SPAG17: variants seen among roughly 807,000 people sequenced by gnomAD.
SPAG17 encodes the protein sperm associated antigen 17.
Under a neutral mutation model 273.6 loss-of-function variants are expected in SPAG17, and 169 were observed. The observed-to-expected ratio is 0.62, with a 90% confidence interval of 0.55 to 0.70. The LOEUF (loss-of-function observed/expected upper bound fraction) is 0.70, where lower values mean the gene tolerates loss of function less well. Ranked by LOEUF, SPAG17 falls within the 30% of genes least tolerant of loss-of-function variation. SPAG17 has a pLI of 0.00. For synonymous variants in SPAG17, 825 were observed against 873.2 expected (o/e 0.94, Z 0.97); for missense variants, 2,557 against 2,627.8 (o/e 0.97, Z 0.59).
intron 20 of SPAG17, among the ~76,000 whole-genome samples, chr1:118,043,528 C>G (rs1405272559): frequency 6.6e-6 from 1 of 152,164 alleles, no homozygotes; most frequent in Non-Finnish European, 1.5e-5. Flanking sequence ...TGTCTATGCT[C>G]TGGAGTTTAT....
chr1:117,962,209 A>T (rs1653190044), intron 48 of SPAG17: 1 of 152,188 alleles, frequency 6.6e-6, no homozygotes, highest in African/African-American at 2.4e-5. Flanking sequence ...CTTTTATGAT[A>T]AAGTGACATG....
At chr1:118,023,223 A>T in intron 28 of SPAG17, 81 bp downstream of exon 28, 3 of 882,068 alleles carry the variant, frequency 3.4e-6, no homozygotes, top group Non-Finnish European at 4.8e-6. Context: ...CAAGTATTAT[A>T]ATAATAATAA....
At chr1:117,967,247 G>A (rs1343667395) in intron 46 of SPAG17, among the ~76,000 whole-genome samples, 1 of 146,862 alleles carries the variant, frequency 6.8e-6, no homozygotes, top group Non-Finnish European at 1.5e-5. Context: ...TCAGTGAGCC[G>A]AGATCGCGCC....
intron 2 of SPAG17, 33 bp downstream of exon 2, chr1:118,151,196 T>G: frequency 1.4e-6 from 2 of 1,474,834 alleles, no homozygotes; most frequent in Non-Finnish European, 1.8e-6. Context: ...AAAAAAGTCT[T>G]CAGGTGGCTT....
At chr1:118,001,582 T>G (rs1571203670) in intron 32 of SPAG17, among the ~76,000 whole-genome samples, 1 of 152,232 alleles carries the variant, frequency 6.6e-6, no homozygotes, top group East Asian at 1.9e-4. Context: ...TATCCATTTC[T>G]TCTAGATTTT....
chr1:118,086,734 C>G lies in SPAG17; in HGVS notation c.1548G>C (p.Val516=). 6.2e-7 allele frequency: 1 copy of G among 1,614,132 alleles called. No individual in the cohort carries two copies. The highest frequency in any genetic ancestry group is 1.1e-5 in the South Asian group (1 of 91,074). The part of the protein sequence containing the change: ...LSEEENESKA[V]PKGPLLLNYH... ...AGTTCAGTAGGAGGGGGCCTTTGGG[C>G]ACTGCTTTGCTTTCATTTTCTTCTT... is the stretch of plus-strand genomic sequence containing the variant. Residue 516 remains valine, a synonymous_variant, in exon 12 of 49, where the codon GTG becomes GTC. Coordinates refer to ENST00000336338, the MANE Select transcript of SPAG17 (RefSeq NM_206996.4).
chr1:118,111,349 C>T (rs1345909095), intron 4 of SPAG17, among the ~76,000 whole-genome samples: 2 of 152,012 alleles, frequency 1.3e-5, no homozygotes, highest in South Asian at 2.1e-4. Flanking sequence ...ATCCTCATTT[C>T]GATAATCCAC....
At chr1:118,093,389 C>T (rs1655511580) in intron 7 of SPAG17, 72 bp from the exon 8 acceptor site, 8 of 1,425,456 alleles carry the variant, frequency 5.6e-6, no homozygotes, top group Non-Finnish European at 7.6e-6. Flanking sequence ...TGGTATATAT[C>T]TCTTAACAGT....
chr1:117,991,107 A>G (rs1257209129), intron 37 of SPAG17, among the ~76,000 whole-genome samples: 1 of 152,224 alleles, frequency 6.6e-6, no homozygotes. Flanking sequence ...TAACTTGTAA[A>G]AATTCCTTTT....
At chr1:118,083,038 T>C (rs950415375) in intron 13 of SPAG17, among the ~76,000 whole-genome samples, 1 of 152,080 alleles carries the variant, frequency 6.6e-6, no homozygotes. Context: ...TTGAGACAGG[T>C]TCACCCAGGC....
intron 31 of SPAG17, among the ~76,000 whole-genome samples, 170 bp downstream of exon 31, chr1:118,007,874 G>A (rs752456042): frequency 6.6e-6 from 1 of 152,164 alleles, no homozygotes; most frequent in Non-Finnish European, 1.5e-5. Context: ...GATGTAAAAA[G>A]GGATGAATAA....
chr1:118,181,511 A>G (rs1439221710), intron 1 of SPAG17, among the ~76,000 whole-genome samples: 1 of 152,114 alleles, frequency 6.6e-6, no homozygotes, highest in Non-Finnish European at 1.5e-5. Context: ...TTAAGCAACT[A>G]TTACACACAA....
At chr1:117,984,817 CAT>C (rs1471425024) in intron 40 of SPAG17, 35 bp from the exon 41 acceptor site, 4 of 1,336,142 alleles carry the variant, frequency 3.0e-6, no homozygotes, top group Admixed American at 1.7e-5. Context: ...CAAAAGAAGA[CAT>C]AGAATATTTT....
intron 3 of SPAG17, among the ~76,000 whole-genome samples, chr1:118,124,055 A>G (rs1657567181): frequency 6.6e-6 from 1 of 152,226 alleles, no homozygotes; most frequent in Admixed American, 6.5e-5. Flanking sequence ...CCTTTTTATT[A>G]AGGAGTGTTT....
intron 1 of SPAG17, among the ~76,000 whole-genome samples, chr1:118,158,994 A>C (rs146163801): frequency 2.0e-5 from 3 of 152,378 alleles, no homozygotes; most frequent in African/African-American, 7.2e-5. Context: ...ATATAGAAGC[A>C]TTCAATAAAT....
At chr1:118,102,020 T>C (rs1174428167) in intron 4 of SPAG17, 94 bp from the exon 5 acceptor site, 1 of 1,035,086 alleles carries the variant, frequency 9.7e-7, no homozygotes, top group Non-Finnish European at 1.4e-6. Context: ...TCTCATTCAA[T>C]CACTTGTATA....
rs1238074351 is a variant in SPAG17 at position 118,028,332 on chromosome 1, G to A, written c.3672C>T (p.Ser1224=). The change falls in exon 26 of 49, where the codon AGC becomes AGT. Residue 1224 remains serine (S), a synonymous_variant. Coordinates refer to ENST00000336338, the MANE Select transcript of SPAG17 (RefSeq NM_206996.4). The part of the protein sequence containing the change: ...QETLDVPTFQ[S]LNVSCPSGLL... The stretch of plus-strand genomic sequence containing the variant: ...GCCCACTGGGGCAAGACACATTTAG[G>A]CTCTGGAAGGTGGGAACATCCAAAG... 1.2e-6 allele frequency: 2 copies of A among 1,613,638 alleles called. No individual in the cohort carries two copies. The highest frequency in any genetic ancestry group is 1.7e-5 in the Admixed American group (1 of 59,974).
intron 38 of SPAG17, among the ~76,000 whole-genome samples, chr1:117,989,734 CCTGA>C (rs1203286654): frequency 6.6e-6 from 1 of 152,016 alleles, no homozygotes; most frequent in Non-Finnish European, 1.5e-5. Context: ...CACCACTACA[CCTGA>C]CTAATTTTTT....
At position 117,963,868 on chromosome 1, in the gene SPAG17, G is replaced by A; in HGVS notation, c.6603C>T (p.Val2201=). Residue 2201 remains valine (V), a synonymous_variant, in exon 48 of 49, where the codon GTC becomes GTT. Coordinates refer to ENST00000336338, the MANE Select transcript of SPAG17 (RefSeq NM_206996.4). ...AGGAATAAATTGTAGAAGTTCTCTG[G>A]ACCATTGGATTTTCTTTTCCCTGGG... ...DFPQGKENPM[V]QRTSTIYSST... The A allele has an allele frequency of 1.9e-6, 3 of 1,613,854 alleles. No homozygotes were observed. Among genetic ancestry groups the A allele is most frequent in the Non-Finnish European group, 2.5e-6 (3 of 1,179,784 alleles).
Sources: allele counts gnomAD v4.1 joint callset (sites outside exome capture counted in the v4.1 genomes callset), GRCh38; gene constraint gnomAD v4.1.1; transcripts MANE v1.5; gene names NCBI Gene and HGNC (gene_info 2026-07-23, HGNC 2026-07-21).